NR4A1: variants seen among roughly 807,000 people sequenced by gnomAD.
The protein encoded by NR4A1 is nuclear receptor subfamily 4 group A member 1, also known as nuclear receptor subfamily 4immunitygroup A member 1.
Under a neutral mutation model 47.5 loss-of-function variants are expected in NR4A1, and 24 were observed. The ratio of observed to expected loss-of-function variants is 0.50; its 90% confidence interval spans 0.37 to 0.71. The LOEUF is 0.71. Ranked by LOEUF, NR4A1 falls within the 30% of genes least tolerant of loss-of-function variation. The pLI is 0.00. For synonymous variants in NR4A1, 353 were observed against 345.7 expected (o/e 1.02, Z -0.24); for missense variants, 669 against 788.6 (o/e 0.85, Z 1.82).
intron 1 of NR4A1, chr12:52,037,529 G>C: frequency 1.0e-6 from 1 of 980,794 alleles, no homozygotes; most frequent in Non-Finnish European, 1.2e-6. Flanking sequence ...GGGCGGGCTC[G>C]GGGCCACGCC....
chr12:52,037,380 G>T (rs1371179581), intron 1 of NR4A1: 1 of 985,642 alleles, frequency 1.0e-6, no homozygotes, highest in Non-Finnish European at 1.2e-6. Context: ...GAGCAGCTCA[G>T]GGCCGGCTGG....
chr12:52,050,176 G>A (rs1283258356), upstream of NR4A1, among the ~76,000 whole-genome samples: 1 of 152,168 alleles, frequency 6.6e-6, no homozygotes, highest in East Asian at 1.9e-4. Flanking sequence ...GAAGGGTGAC[G>A]GCCAAACCAG....
rs760507783 is a variant in NR4A1 at position 52,056,998 on chromosome 12, C to T, written c.1159-59C>T. ...CATCCAAGTGTCTGACACAGCCATA[C>T]GTGGCAGTGGGTGTAGGAGCCTGCC... On this transcript the variant is annotated intron_variant, in intron 4 of 6. Transcript: ENST00000394825. 49 of 1,443,694 alleles carry T rather than the reference C, an allele frequency of 3.4e-5. No individual in the cohort carries two copies. In the East Asian group the frequency reaches 4.2e-4, roughly 12 times the overall value. 89.4% of individuals were successfully genotyped at this position (1,443,694 alleles called of 1,614,324 possible). A position where few individuals can be genotyped will look rare whatever the true frequency, so the allele number is the denominator to read the frequency against.
intron 1 of NR4A1, among the ~76,000 whole-genome samples, chr12:52,040,982 G>A (rs931259448): frequency 1.3e-5 from 2 of 152,160 alleles, no homozygotes; most frequent in African/African-American, 4.8e-5. Flanking sequence ...TGGGGTTGGG[G>A]GAGAGCTGAA....
chr12:52,055,652 C>T (rs1239123377), intron 2 of NR4A1: 5 of 376,588 alleles, frequency 1.3e-5, no homozygotes, highest in Non-Finnish European at 2.4e-5. Context: ...TTTGTCCCAG[C>T]GATGGTGCCT....
At chr12:52,039,584 C>T (rs1938362708) in intron 1 of NR4A1, among the ~76,000 whole-genome samples, 1 of 152,258 alleles carries the variant, frequency 6.6e-6, no homozygotes, top group African/African-American at 2.4e-5. Context: ...AGCTGACCTT[C>T]CTCCCAGCAC....
chr12:52,036,755 G>T (rs572452268), intron 1 of NR4A1, among the ~76,000 whole-genome samples: 10 of 152,370 alleles, frequency 6.6e-5, no homozygotes, highest in Middle Eastern at 3.4e-3. Flanking sequence ...CAGGGCGCCC[G>T]CAGACTCAAA....
upstream of NR4A1, chr12:52,051,302 C>G: frequency 1.5e-6 from 1 of 650,658 alleles, no homozygotes; most frequent in Non-Finnish European, 1.9e-6. Flanking sequence ...GCACCTCCCC[C>G]TGGCCGCCTC....
intron 2 of NR4A1, among the ~76,000 whole-genome samples, chr12:52,045,073 T>C (rs370099471): frequency 6.6e-6 from 1 of 152,226 alleles, no homozygotes; most frequent in African/African-American, 2.4e-5. Flanking sequence ...AGAGTATTAA[T>C]TGACCACTCG....
At chr12:52,058,582 G>A (rs2120552156) in intron 6 of NR4A1, 106 bp from the exon 7 acceptor site, 1 of 1,393,548 alleles carries the variant, frequency 7.2e-7, no homozygotes. Context: ...AGTGCCAGCA[G>A]AGCATGAGGG....
At chr12:52,031,162 G>A (rs1210966877) in intron 1 of NR4A1, among the ~76,000 whole-genome samples, 2 of 152,010 alleles carry the variant, frequency 1.3e-5, no homozygotes, top group East Asian at 2.0e-4. Flanking sequence ...CCATAGTCCC[G>A]TAACACCAAG....
At chr12:52,049,739 T>C (rs911054895), upstream of NR4A1, among the ~76,000 whole-genome samples, 2 of 152,112 alleles carry the variant, frequency 1.3e-5, no homozygotes, top group African/African-American at 4.8e-5. Flanking sequence ...CAGTGAAAAG[T>C]TGCAAATGGG....
intron 1 of NR4A1, among the ~76,000 whole-genome samples, chr12:52,035,676 T>G (rs541149136): frequency 6.6e-5 from 10 of 152,080 alleles, no homozygotes; most frequent in Non-Finnish European, 1.3e-4. Context: ...GGGAGAGAAA[T>G]GTACAGGTTC....
In NR4A1 at chr12:52,058,464, C is replaced by T. The variant is rs969489857; in HGVS notation, c.1541-224C>T. The T allele has an allele frequency of 8.8e-6, 5 of 570,370 alleles. No homozygotes were observed. In the African/African-American group the frequency reaches 9.5e-5, roughly 11 times the overall value. 35.3% of individuals were successfully genotyped at this position (570,370 alleles called of 1,614,324 possible). A position where few individuals can be genotyped will look rare whatever the true frequency, so the allele number is the denominator to read the frequency against. ...TTGTGACCCTGGGCAAGTCATTAGC[C>T]TCCTGGGCCTCGGGTTCTCACTTGG... On this transcript the variant is annotated intron_variant, in intron 6 of 6. Coordinates refer to ENST00000394825, the MANE Select transcript of NR4A1 (RefSeq NM_173157.3).
Position 52,043,581 on chromosome 12 carries a change from GCTGA to G in NR4A1, c.37+1655_37+1658del, listed in dbSNP as rs540308162. On this transcript the variant is annotated intron_variant, in intron 2 of 7. Transcript: ENST00000360284. ...CACGCTCATGCTGGGGCTCCCGTCA[GCTGA>G]CTATTTTGGGCTCTTGCTGACCTGG... 7.9e-3 allele frequency: 5,579 copies of G among 703,030 alleles called. 26 individuals are homozygous for G. The highest frequency in any genetic ancestry group is 9.8e-3 in the Non-Finnish European group (4,901 of 501,550). The allele number at this position is 703,030 out of a possible 1,614,324, so 43.5% of individuals were successfully genotyped here. A position where few individuals can be genotyped will look rare whatever the true frequency, so the allele number is the denominator to read the frequency against.
chr12:52,023,241 T>C (rs193078023), intron 1 of NR4A1, among the ~76,000 whole-genome samples: 5,266 of 152,250 alleles, frequency 0.035, 293 homozygotes, highest in African/African-American at 0.11. Context: ...ACTGCGGCGG[T>C]TGGGGGCTGG....
upstream of NR4A1, among the ~76,000 whole-genome samples, chr12:52,046,472 CTG>C (rs1285438619): frequency 2.6e-5 from 4 of 152,312 alleles, no homozygotes; most frequent in East Asian, 1.9e-4. Flanking sequence ...AGAAAATAAA[CTG>C]TGTTGTCAGC....
Position 52,058,704 on chromosome 12 carries a change from G to A in NR4A1, c.1557G>A (p.Gln519=). 6.2e-7 allele frequency: 1 copy of A among 1,607,104 alleles called. No homozygotes were observed. The highest frequency in any genetic ancestry group is 1.3e-5 in the African/African-American group (1 of 74,868). ...LVLITDRHGL[Q]EPRRVEELQN... ...TTCCCGCAGACCGGCATGGGCTGCA[G>A]GAGCCGCGGCGGGTGGAGGAGCTGC... is the stretch of plus-strand genomic sequence containing the variant. Residue 519 remains glutamine, a synonymous_variant, in exon 7 of 7, where the codon CAG becomes CAA. Coordinates refer to ENST00000394825, the MANE Select transcript of NR4A1 (RefSeq NM_173157.3).
At chr12:52,049,206 G>A (rs1384688006), upstream of NR4A1, among the ~76,000 whole-genome samples, 1 of 152,154 alleles carries the variant, frequency 6.6e-6, no homozygotes, top group Non-Finnish European at 1.5e-5. Flanking sequence ...TGGCCCTGTG[G>A]AACCTGTAGA....
Sources: allele counts gnomAD v4.1 joint callset (sites outside exome capture counted in the v4.1 genomes callset), GRCh38; gene constraint gnomAD v4.1.1; transcripts MANE v1.5; gene names NCBI Gene and HGNC (gene_info 2026-07-23, HGNC 2026-07-21).